Variants in TXNL1 observed in about 807,000 individuals in gnomAD.
TXNL1 encodes the protein thioredoxin-like protein 1.
Under a neutral mutation model 35.5 loss-of-function variants are expected in TXNL1, and 14 were observed. That is an observed-to-expected ratio of 0.39 (90% CI 0.26 to 0.62). The LOEUF is 0.62. Among genes scored for constraint, TXNL1 ranks in the 20% least tolerant of loss-of-function variants. The pLI is 0.47. For synonymous variants in TXNL1, 110 were observed against 115.5 expected, an observed-to-expected ratio of 0.95 and a Z score of 0.31; for missense variants, 263 against 349.7, an observed-to-expected ratio of 0.75 and a Z score of 1.98.
At chr18:56,630,965 C>T (rs1256762465) in intron 1 of TXNL1, among the ~76,000 whole-genome samples, 1 of 151,918 alleles carries the variant, frequency 6.6e-6, no homozygotes, top group African/African-American at 2.4e-5. Context: ...ACTGCAGCCT[C>T]ATTCCCTCAG....
At chr18:56,626,203 G>A (rs1013261273) in intron 2 of TXNL1, 158 bp downstream of exon 2, 6 of 1,378,116 alleles carry the variant, frequency 4.4e-6, no homozygotes, top group Non-Finnish European at 5.6e-6. Context: ...AACTAATGCA[G>A]CCATAATGAC....
chr18:56,634,400 C>T (rs2024424380), intron 1 of TXNL1, among the ~76,000 whole-genome samples: 1 of 152,106 alleles, frequency 6.6e-6, no homozygotes, highest in Non-Finnish European at 1.5e-5. Flanking sequence ...TCAATGTCCT[C>T]AACTGTAAAA....
intron 3 of TXNL1, among the ~76,000 whole-genome samples, chr18:56,620,460 G>A (rs997213690): frequency 6.6e-6 from 1 of 152,156 alleles, no homozygotes; most frequent in Admixed American, 6.5e-5. Flanking sequence ...AGTAACAGTA[G>A]ATTACCTGAT....
Position 56,602,965 on chromosome 18 carries a change from C to G in TXNL1, c.*62G>C, listed in dbSNP as rs769422682. The G allele has an allele frequency of 2.6e-6, 4 of 1,540,824 alleles. No individual in the cohort carries two copies. Among genetic ancestry groups the G allele is most frequent in the Non-Finnish European group, 3.6e-6 (4 of 1,114,154 alleles). ...AACATTGACAGTCTCTGGCGAGAAT[C>G]AAGCAATTATCCAGGAGCTGTAGAT... On this transcript the variant is annotated 3_prime_UTR_variant, in exon 8 of 8. Transcript: ENST00000217515.
chr18:56,635,008 C>A (rs902772206), intron 1 of TXNL1, among the ~76,000 whole-genome samples: 2 of 152,168 alleles, frequency 1.3e-5, no homozygotes, highest in Admixed American at 1.3e-4. Flanking sequence ...ACACCTGTAA[C>A]CCCAGCAATT....
chr18:56,627,794 C>G (rs1262186322), intron 1 of TXNL1, among the ~76,000 whole-genome samples: 1 of 150,014 alleles, frequency 6.7e-6, no homozygotes, highest in African/African-American at 2.5e-5. Context: ...GGAAAAAATA[C>G]AGGAAGACAC....
Position 56,602,250 on chromosome 18 carries a change from A to G in TXNL1, c.*777T>C, listed in dbSNP as rs2023819311. The G allele has an allele frequency of 6.6e-6, 1 of 152,202 alleles. No individual in the cohort carries two copies. 9.4% of individuals were successfully genotyped at this position (152,202 alleles called of 1,614,324 possible). On this transcript the variant is annotated 3_prime_UTR_variant, in exon 8 of 8. Coordinates refer to ENST00000217515, the MANE Select transcript of TXNL1 (RefSeq NM_004786.3). ...GGACTCGAACTCCTGACCTCTGGTG[A>G]TTCGCCCGCCTTGGCCTCCCAAAGT... is the stretch of plus-strand genomic sequence containing the variant.
At chr18:56,619,469 C>T (rs1335484671) in intron 3 of TXNL1, among the ~76,000 whole-genome samples, 5 of 129,182 alleles carry the variant, frequency 3.9e-5, no homozygotes, top group African/African-American at 8.8e-5. Context: ...ACCTGGGAGG[C>T]GGAGGTTGCA....
At chr18:56,614,339 G>T in intron 6 of TXNL1, 85 bp downstream of exon 6, 1 of 1,209,184 alleles carries the variant, frequency 8.3e-7, no homozygotes, top group Non-Finnish European at 1.1e-6. Flanking sequence ...CCACTTTAAA[G>T]AATCACTTAG....
At position 56,618,015 on chromosome 18, in the gene TXNL1, A is replaced by C; in HGVS notation, c.481T>G (p.Cys161Gly). Residue 161 changes from cysteine (C) to glycine (G), a missense_variant, in exon 4 of 8, where the codon TGT becomes GGT. Coordinates refer to ENST00000217515, the MANE Select transcript of TXNL1 (RefSeq NM_004786.3). ...CAGCCCTCAATTACCTGTTCATCAC[A>C]GTCAGATTCCAAGAAGGTTGTGTCT... Reference protein sequence around the residue: ...RKDTTFLESDCDEQLLITVAF... With the variant: ...RKDTTFLESDGDEQLLITVAF... The C allele has an allele frequency of 6.2e-7, 1 of 1,614,024 alleles. No homozygotes were observed. The highest frequency in any genetic ancestry group is 8.5e-7 in the Non-Finnish European group (1 of 1,179,936).
At chr18:56,620,678 AT>A (rs1315655492) in intron 3 of TXNL1, among the ~76,000 whole-genome samples, 7 of 152,242 alleles carry the variant, frequency 4.6e-5, no homozygotes, top group Non-Finnish European at 7.3e-5. Context: ...TCTACCAAGT[AT>A]TATAGATGAG....
At chr18:56,610,263 T>C (rs960256072) in intron 7 of TXNL1, 3 of 152,320 alleles carry the variant, frequency 2.0e-5, no homozygotes, top group Non-Finnish European at 4.4e-5. Context: ...GATAAAGCTC[T>C]CAGTAGCACT....
chr18:56,612,471 C>T (rs919634406), intron 6 of TXNL1, among the ~76,000 whole-genome samples: 5 of 152,018 alleles, frequency 3.3e-5, no homozygotes, highest in African/African-American at 1.2e-4. Context: ...CTTTGTCATA[C>T]ATTGGATTTT....
chr18:56,635,945 T>C (rs2024448456), intron 1 of TXNL1, among the ~76,000 whole-genome samples: 1 of 152,214 alleles, frequency 6.6e-6, no homozygotes, highest in Non-Finnish European at 1.5e-5. Flanking sequence ...TGTTATACTG[T>C]ATTGTTTAGA....
At chr18:56,622,897 C>T (rs2024211488) in intron 3 of TXNL1, among the ~76,000 whole-genome samples, 1 of 152,184 alleles carries the variant, frequency 6.6e-6, no homozygotes, top group Non-Finnish European at 1.5e-5. Flanking sequence ...TTTCAAATTA[C>T]AGGTCTATTT....
At chr18:56,630,462 T>C (rs2024353557) in intron 1 of TXNL1, among the ~76,000 whole-genome samples, 1 of 152,218 alleles carries the variant, frequency 6.6e-6, no homozygotes, top group Non-Finnish European at 1.5e-5. Context: ...GGCACTCTTA[T>C]TTAACTTCAT....
chr18:56,622,269 A>G (rs1012541595), intron 3 of TXNL1, among the ~76,000 whole-genome samples: 4 of 152,144 alleles, frequency 2.6e-5, no homozygotes, highest in African/African-American at 9.7e-5. Flanking sequence ...AAAGGCAGAG[A>G]AAAGTTTCTA....
rs960387211 is a variant in TXNL1 at position 56,623,784 on chromosome 18, A to G, written c.369+504T>C. On this transcript the variant is annotated intron_variant, in intron 3 of 7. Coordinates refer to ENST00000217515, the MANE Select transcript of TXNL1 (RefSeq NM_004786.3). Reference sequence around the variant, plus strand: ...ACAAAGTCAAATTTGATTCTAAAACAAAATCAGTAATTAGACTTTTTTTTT... The same window carrying G: ...ACAAAGTCAAATTTGATTCTAAAACGAAATCAGTAATTAGACTTTTTTTTT... Among the ~76,000 whole-genome samples the G allele has an allele frequency of 2.0e-5, 3 of 152,226 alleles. No individual in the cohort carries two copies. In the East Asian group the frequency reaches 5.8e-4, roughly 29 times the overall value.
At chr18:56,634,293 T>A (rs2144340349) in intron 1 of TXNL1, among the ~76,000 whole-genome samples, 1 of 152,314 alleles carries the variant, frequency 6.6e-6, no homozygotes, top group East Asian at 1.9e-4. Context: ...TGCATTTCTT[T>A]TCTCCTTAGG....
Sources: gnomAD v4.1 joint callset for allele counts (sites outside exome capture counted in the v4.1 genomes callset) on GRCh38, gnomAD v4.1.1 for gene constraint, MANE v1.5 for transcripts, NCBI Gene and HGNC (gene_info 2026-07-23, HGNC 2026-07-21) for gene names.